Variants in SHTN1 observed in about 807,000 individuals in gnomAD.
SHTN1 encodes the protein shootin-1.
SHTN1 carries 42 observed loss-of-function variants against 83.1 expected under a neutral mutation model. The ratio of observed to expected loss-of-function variants is 0.51; its 90% CI spans 0.39 to 0.65. The LOEUF is 0.65. Among genes scored for constraint, SHTN1 ranks in the 30% least tolerant of loss-of-function variants. SHTN1 has a pLI of 0.00. For missense variants in SHTN1, 622 were observed against 737.8 expected (o/e 0.84, Z 1.82); for synonymous variants, 224 against 247.7 (o/e 0.90, Z 0.90).
At chr10:117,014,975 A>G (rs1184557879) in intron 2 of SHTN1, among the ~76,000 whole-genome samples, 1 of 152,216 alleles carries the variant, frequency 6.6e-6, no homozygotes, top group East Asian at 1.9e-4. Flanking sequence ...TTGAAATCCA[A>G]TGGGAAAGTT....
chr10:116,976,452 A>C (rs1412700389), intron 2 of SHTN1, among the ~76,000 whole-genome samples: 3 of 152,102 alleles, frequency 2.0e-5, no homozygotes, highest in Non-Finnish European at 4.4e-5. Context: ...TCCTCTGTTC[A>C]CTCTAAATTT....
intron 1 of SHTN1, among the ~76,000 whole-genome samples, chr10:117,068,647 G>C (rs952974536): frequency 1.3e-5 from 2 of 151,374 alleles, no homozygotes; most frequent in African/African-American, 4.9e-5. Context: ...TTTCTTGTTT[G>C]AATCTGGATT....
At chr10:116,965,455 C>T (rs1004939216) in intron 3 of SHTN1, among the ~76,000 whole-genome samples, 12 of 152,178 alleles carry the variant, frequency 7.9e-5, no homozygotes, top group East Asian at 7.7e-4. Context: ...AGGCGGAGGT[C>T]GCAGCGAGCA....
intron 12 of SHTN1, among the ~76,000 whole-genome samples, 165 bp from the exon 13 acceptor site, chr10:116,915,649 C>T (rs1485870287): frequency 6.6e-6 from 1 of 152,070 alleles, no homozygotes; most frequent in Non-Finnish European, 1.5e-5. Context: ...CAGGTAGCAA[C>T]ACTTAAAGAA....
At chr10:116,940,141 T>C (rs1322421685) in intron 9 of SHTN1, among the ~76,000 whole-genome samples, 1 of 152,174 alleles carries the variant, frequency 6.6e-6, no homozygotes, top group African/African-American at 2.4e-5. Flanking sequence ...CCAAAAAATA[T>C]AACATTTCCA....
intron 1 of SHTN1, among the ~76,000 whole-genome samples, chr10:117,101,201 T>C (rs369166728): frequency 1.4e-4 from 22 of 152,346 alleles, no homozygotes; most frequent in African/African-American, 4.8e-4. Context: ...TTCTTTTCAC[T>C]ACACTGTGCT....
At chr10:117,097,028 TAGACACACACAC>T (rs1229616567) in intron 1 of SHTN1, among the ~76,000 whole-genome samples, 3 of 98,466 alleles carry the variant, frequency 3.0e-5, no homozygotes, top group Non-Finnish European at 4.3e-5. Flanking sequence ...CACACACACA[TAGACACACACAC>T]ACACACACAC....
At chr10:116,993,118 C>T (rs561211309) in intron 1 of SHTN1, among the ~76,000 whole-genome samples, 138 of 147,470 alleles carry the variant, frequency 9.4e-4, no homozygotes, top group African/African-American at 3.2e-3. Flanking sequence ...CGGGTTCAAG[C>T]GATTCTCCTG....
chr10:116,932,561 G>C (rs770145931), intron 9 of SHTN1, among the ~76,000 whole-genome samples: 1 of 152,122 alleles, frequency 6.6e-6, no homozygotes, highest in African/African-American at 2.4e-5. Context: ...AGAGTATACT[G>C]TATTTCCAGT....
At chr10:117,050,095 G>A (rs182324123) in intron 1 of SHTN1, among the ~76,000 whole-genome samples, 119 of 152,288 alleles carry the variant, frequency 7.8e-4, no homozygotes, top group Non-Finnish European at 1.6e-3. Flanking sequence ...AAGAGGCTGA[G>A]GCAGGAGAAT....
chr10:116,930,092 T>C, intron 9 of SHTN1, 90 bp from the exon 10 acceptor site: 1 of 807,084 alleles, frequency 1.2e-6, no homozygotes. Context: ...TATTTCCCTT[T>C]GACTGTACTT....
At chr10:117,087,485 G>A (rs1222447975) in intron 1 of SHTN1, among the ~76,000 whole-genome samples, 1 of 151,970 alleles carries the variant, frequency 6.6e-6, no homozygotes, top group East Asian at 1.9e-4. Context: ...AGAGATGACA[G>A]GGCAGAAAAA....
chr10:116,910,891 CAAACT>C (rs1322159261), intron 14 of SHTN1, among the ~76,000 whole-genome samples: 1 of 152,204 alleles, frequency 6.6e-6, no homozygotes, highest in East Asian at 1.9e-4. Flanking sequence ...AAAACTAAAG[CAAACT>C]AATTAAGCCA....
intron 16 of SHTN1, among the ~76,000 whole-genome samples, chr10:116,894,665 G>A (rs1014474842): frequency 2.6e-5 from 4 of 152,128 alleles, no homozygotes; most frequent in Non-Finnish European, 4.4e-5. Context: ...TTTGAAGTAA[G>A]GTTTTAAAGA....
At chr10:116,922,717 C>A (rs1463812053) in intron 11 of SHTN1, among the ~76,000 whole-genome samples, 1 of 152,122 alleles carries the variant, frequency 6.6e-6, no homozygotes, top group Non-Finnish European at 1.5e-5. Context: ...GTAATCCCAG[C>A]ACTTTGGGAG....
chr10:117,040,131 AT>A (rs1462842909), intron 2 of SHTN1, among the ~76,000 whole-genome samples: 1 of 152,186 alleles, frequency 6.6e-6, no homozygotes, highest in Admixed American at 6.5e-5. Flanking sequence ...AATAGATTGA[AT>A]ACAGCTTAAA....
At chr10:116,891,119 A>G (rs141231441) in intron 16 of SHTN1, among the ~76,000 whole-genome samples, 306 of 152,352 alleles carry the variant, frequency 2.0e-3, no homozygotes, top group South Asian at 9.9e-3. Flanking sequence ...CAAATTCTGC[A>G]TATCACTCAA....
At chr10:116,990,875 G>A (rs1187623183) in intron 1 of SHTN1, among the ~76,000 whole-genome samples, 3 of 152,114 alleles carry the variant, frequency 2.0e-5, no homozygotes, top group Middle Eastern at 3.4e-3. Context: ...TGAAGACGTT[G>A]GTTAAAGCCT....
intron 2 of SHTN1, among the ~76,000 whole-genome samples, chr10:117,025,435 G>A (rs1283246991): frequency 2.0e-5 from 3 of 152,136 alleles, no homozygotes; most frequent in Non-Finnish European, 2.9e-5. Flanking sequence ...AAGTGCTCTG[G>A]GACCCTACAT....
Sources: allele counts gnomAD v4.1 joint callset (sites outside exome capture counted in the v4.1 genomes callset), GRCh38; gene constraint gnomAD v4.1.1; transcripts MANE v1.5; gene names NCBI Gene and HGNC (gene_info 2026-07-23, HGNC 2026-07-21).